Variants in NAA16 observed in about 807,000 individuals in gnomAD.
The protein encoded by NAA16 is NARG1-like protein.
NAA16 carries 97 observed loss-of-function variants against 110.3 expected under a neutral mutation model. The observed-to-expected ratio is 0.88, with a 90% CI of 0.75 to 1.04. The LOEUF is 1.04. Among genes scored for constraint, NAA16 ranks in the 50% least tolerant of loss-of-function variants. The pLI, the probability that NAA16 is intolerant of heterozygous loss-of-function variation, is 0.00. For missense variants in NAA16, 1,017 were observed against 1,005.1 expected (o/e 1.01, Z -0.16); for synonymous variants, 372 against 330.6 (o/e 1.13, Z -1.36).
chr13:41,355,260 A>G, intron 10 of NAA16, 44 bp downstream of exon 10: 2 of 1,185,912 alleles, frequency 1.7e-6, no homozygotes, highest in Non-Finnish European at 2.4e-6. Flanking sequence ...TACTCATTTC[A>G]TTTTTAATCA....
intron 5 of NAA16, 61 bp downstream of exon 5, chr13:41,323,251 C>G (rs2041993710): frequency 6.6e-6 from 10 of 1,516,818 alleles, no homozygotes; most frequent in Non-Finnish European, 9.1e-6. Context: ...CTAAATTGTC[C>G]CTGCTCTCAA....
intron 8 of NAA16, among the ~76,000 whole-genome samples, chr13:41,333,559 T>C (rs2139421377): frequency 6.6e-6 from 1 of 152,278 alleles, no homozygotes; most frequent in African/African-American, 2.4e-5. Context: ...CCTCCTTTTA[T>C]TGGTCTCAAG....
intron 9 of NAA16, among the ~76,000 whole-genome samples, chr13:41,352,717 C>T (rs8000452): frequency 0.074 from 11,297 of 152,098 alleles, 1,393 homozygotes; most frequent in African/African-American, 0.26. Context: ...TGAACCGCAA[C>T]GGTCAGTCCC....
At chr13:41,374,523 C>T (rs781263696) in intron 18 of NAA16, 1 of 358,586 alleles carries the variant, frequency 2.8e-6, no homozygotes, top group Admixed American at 4.4e-5. Context: ...AGTGTATTTT[C>T]ATGATATAAA....
intron 12 of NAA16, among the ~76,000 whole-genome samples, chr13:41,361,700 G>A (rs1477322002): frequency 2.0e-5 from 3 of 152,298 alleles, no homozygotes; most frequent in African/African-American, 2.4e-5. Context: ...GATGATTCAC[G>A]TTCCGGGTGG....
intron 1 of NAA16, among the ~76,000 whole-genome samples, chr13:41,314,582 C>G (rs2041758441): frequency 1.3e-5 from 2 of 152,198 alleles, no homozygotes. Flanking sequence ...CCAGCCCCTG[C>G]TGCAAGGCTT....
At chr13:41,318,474 T>G (rs1939084755) in intron 2 of NAA16, among the ~76,000 whole-genome samples, 1 of 152,194 alleles carries the variant, frequency 6.6e-6, no homozygotes, top group African/African-American at 2.4e-5. Flanking sequence ...AGTGCTGGGA[T>G]TACAGGCGTG....
chr13:41,322,959 T>A, intron 4 of NAA16, 97 bp from the exon 5 acceptor site: 1 of 1,061,774 alleles, frequency 9.4e-7, no homozygotes. Flanking sequence ...TTTGTTGATA[T>A]AGTTCATTAG....
intron 9 of NAA16, among the ~76,000 whole-genome samples, chr13:41,344,148 A>C (rs2042624533): frequency 6.6e-6 from 1 of 151,022 alleles, no homozygotes; most frequent in African/African-American, 2.5e-5. Context: ...TTCTTCTCTC[A>C]GAGTCATTCA....
chr13:41,323,912 C>G (rs2042016172), intron 5 of NAA16, among the ~76,000 whole-genome samples: 1 of 152,156 alleles, frequency 6.6e-6, no homozygotes, highest in South Asian at 2.1e-4. Flanking sequence ...CTCTGTTTAT[C>G]TGTCATTTCA....
intron 9 of NAA16, among the ~76,000 whole-genome samples, chr13:41,348,290 C>T (rs1393705518): frequency 1.3e-5 from 2 of 152,116 alleles, no homozygotes; most frequent in African/African-American, 2.4e-5. Context: ...GCCTCGGTCT[C>T]CCAAGTAGCT....
intron 9 of NAA16, among the ~76,000 whole-genome samples, chr13:41,339,982 T>G (rs1263035388): frequency 6.6e-6 from 1 of 152,206 alleles, no homozygotes; most frequent in Non-Finnish European, 1.5e-5. Context: ...TTCCCAGCTT[T>G]CTTTAATGTT....
At chr13:41,343,537 T>G (rs1016818405) in intron 9 of NAA16, among the ~76,000 whole-genome samples, 3 of 152,114 alleles carry the variant, frequency 2.0e-5, no homozygotes, top group East Asian at 1.9e-4. Context: ...TTTGTTTTTG[T>G]TTTTGGTTTT....
chr13:41,336,743 A>G lies in NAA16; in HGVS notation c.1001A>G (p.Tyr334Cys). 6.3e-7 allele frequency: 1 copy of G among 1,590,690 alleles called. No individual in the cohort carries two copies. The highest frequency in any genetic ancestry group is 8.6e-7 in the Non-Finnish European group (1 of 1,164,518). Reference sequence around the variant, plus strand: ...TTTACTACTTTGAAATCTTTATATTACAATACAGAAAAGGTAAAATTTGGT... The same window carrying G: ...TTTACTACTTTGAAATCTTTATATTGCAATACAGAAAAGGTAAAATTTGGT... The part of the protein sequence containing the change: ...PLFTTLKSLY[Y>C]NTEKVSIIQE... Residue 334 changes from tyrosine (Y) to cysteine (C), a missense_variant, in exon 9 of 20, where the codon TAC becomes TGC. Physicochemically the swap from Tyr to Cys is radical, Grantham distance 194. Coordinates refer to ENST00000379406, the MANE Select transcript of NAA16 (RefSeq NM_024561.5).
intron 13 of NAA16, chr13:41,362,493 A>T (rs1392715968): frequency 5.7e-6 from 2 of 353,826 alleles, no homozygotes; most frequent in Non-Finnish European, 1.1e-5. Flanking sequence ...CACACAGCTG[A>T]TGGCAACCTC....
intron 7 of NAA16, among the ~76,000 whole-genome samples, chr13:41,330,293 C>T (rs1019087133): frequency 2.6e-5 from 4 of 151,722 alleles, no homozygotes; most frequent in Non-Finnish European, 5.9e-5. Context: ...TGCGTCTAAA[C>T]GAGATCACAC....
intron 9 of NAA16, among the ~76,000 whole-genome samples, chr13:41,340,647 G>GTTTTTTTTTTTTTT (rs754237653): frequency 4.6e-5 from 2 of 43,598 alleles, no homozygotes; most frequent in African/African-American, 7.9e-5. Flanking sequence ...TTTTGAGTGA[G>GTTTTTTTTTTTTTT]TTTTTTTTTT....
chr13:41,362,179 A>G lies in NAA16; in HGVS notation c.1539+20A>G, dbSNP rs770851058. The G allele has an allele frequency of 1.7e-5, 27 of 1,585,226 alleles. No individual in the cohort carries two copies. The highest frequency in any genetic ancestry group is 3.8e-5 in the Admixed American group (2 of 52,340). On this transcript the variant is annotated intron_variant, in intron 13 of 19. Coordinates refer to ENST00000379406, the MANE Select transcript of NAA16 (RefSeq NM_024561.5). ...GAAAGGGTAAGTTGTTAGAATTTCG[A>G]CTTCAGTTTTCACTGTAAGGTGATA... is the stretch of plus-strand genomic sequence containing the variant.
chr13:41,320,698 T>A lies in NAA16; in HGVS notation c.276T>A (p.Ser92=). The change falls in exon 4 of 20, where the codon TCT becomes TCA. Residue 92 remains serine (S), a synonymous_variant. Transcript: ENST00000379406. ...ATGTATATGGACTCTTGCAGCGTTCTGATAAAAAATATGATGAAGCTATAA... is the reference window on the plus strand; with the variant it reads ...ATGTATATGGACTCTTGCAGCGTTCAGATAAAAAATATGATGAAGCTATAA... The part of the protein sequence containing the change: ...CWHVYGLLQR[S]DKKYDEAIKC... The A allele has an allele frequency of 6.2e-7, 1 of 1,611,962 alleles. No homozygotes were observed. Among genetic ancestry groups the A allele is most frequent in the Non-Finnish European group, 8.5e-7 (1 of 1,179,626 alleles).
Sources: gnomAD v4.1 joint callset for allele counts (sites outside exome capture counted in the v4.1 genomes callset) on GRCh38, gnomAD v4.1.1 for gene constraint, MANE v1.5 for transcripts, NCBI Gene and HGNC (gene_info 2026-07-23, HGNC 2026-07-21) for gene names.